Variants in PLCB1 observed in about 807,000 individuals in gnomAD.
PLCB1 encodes phospholipase C beta 1, also known as 1-phosphatidylinositol 4,5-bisphosphate phosphodiesterase beta-1.
PLCB1 carries 46 observed loss-of-function variants against 161.8 expected under a neutral mutation model. The ratio of observed to expected loss-of-function variants is 0.28; its 90% CI spans 0.22 to 0.36. The LOEUF (loss-of-function observed/expected upper bound fraction) is 0.36, where lower values mean the gene tolerates loss of function less well. Ranked by LOEUF, PLCB1 falls within the 10% of genes least tolerant of loss-of-function variation. PLCB1 has a pLI of 1.00. For missense variants in PLCB1, 1,016 were observed against 1,472.5 expected (o/e 0.69, Z 5.07); for synonymous variants, 517 against 503.7 (o/e 1.03, Z -0.35).
intron 3 of PLCB1, among the ~76,000 whole-genome samples, chr20:8,484,995 G>A (rs1009850169): frequency 6.6e-6 from 1 of 152,186 alleles, no homozygotes; most frequent in Non-Finnish European, 1.5e-5. Context: ...TCAAAATGAA[G>A]AGAGAGAAAT....
chr20:8,859,726 G>GGTCT lies in PLCB1; in HGVS notation c.3424-21895_3424-21892dup, dbSNP rs371194157. Among the ~76,000 whole-genome samples the GGTCT allele has an allele frequency of 3.2e-3, 488 of 151,944 alleles. 5 individuals carry two copies. The highest frequency in any genetic ancestry group is 0.011 in the African/African-American group (458 of 41,438). Reference sequence around the variant, plus strand: ...TTCCACAGGGTAGACTCTAGCTTGGGGTCTATTGGAGCAAGTTAAATGTCT... The same window carrying GGTCT: ...TTCCACAGGGTAGACTCTAGCTTGGGGTCTGTCTATTGGAGCAAGTTAAATGTCT... On this transcript the variant is annotated intron_variant, in intron 31 of 31. Transcript: ENST00000338037.
intron 19 of PLCB1, among the ~76,000 whole-genome samples, chr20:8,734,928 C>T (rs1298767602): frequency 6.6e-6 from 1 of 152,092 alleles, no homozygotes; most frequent in East Asian, 1.9e-4. Context: ...CACATTTTTA[C>T]CTTAAAACTT....
At chr20:8,789,638 G>A (rs1239212279) in intron 30 of PLCB1, 63 bp downstream of exon 30, 3 of 1,186,354 alleles carry the variant, frequency 2.5e-6, no homozygotes, top group African/African-American at 3.0e-5. Flanking sequence ...TGAGCTCGCT[G>A]TGAGCTTCTG....
chr20:8,530,155 C>A (rs1281353690), intron 3 of PLCB1, among the ~76,000 whole-genome samples: 1 of 152,046 alleles, frequency 6.6e-6, no homozygotes, highest in Non-Finnish European at 1.5e-5. Flanking sequence ...TATGAAGTAT[C>A]TTTTCAAGTG....
intron 23 of PLCB1, among the ~76,000 whole-genome samples, chr20:8,744,616 T>TAAATAAAATAAAATAAAATG (rs1555787575): frequency 8.2e-6 from 1 of 121,222 alleles, no homozygotes; most frequent in African/African-American, 3.2e-5. Flanking sequence ...AAAAATAAAA[T>TAAATAAAATAAAATAAAATG]AAATAAAATA....
At chr20:8,557,095 A>G (rs1048524149) in intron 3 of PLCB1, among the ~76,000 whole-genome samples, 2 of 151,794 alleles carry the variant, frequency 1.3e-5, no homozygotes, top group Non-Finnish European at 2.9e-5. Flanking sequence ...GTATGTTCCT[A>G]GTGATGATAG....
chr20:8,628,400 A>G lies in PLCB1; in HGVS notation c.353A>G (p.Asn118Ser), dbSNP rs1988425391. The G allele has an allele frequency of 3.7e-6, 6 of 1,613,896 alleles. No homozygotes were observed. Among genetic ancestry groups the G allele is most frequent in the Non-Finnish European group, 4.2e-6 (5 of 1,179,998 alleles). Reference protein sequence around the residue: ...GPDLVNISHLNLVAFQEEVAK... With the variant: ...GPDLVNISHLSLVAFQEEVAK... Reference sequence around the variant, plus strand: ...GACCTCGTGAACATCTCCCATTTGAATCTCGTGGCTTTCCAAGAAGAAGTG... The same window carrying G: ...GACCTCGTGAACATCTCCCATTTGAGTCTCGTGGCTTTCCAAGAAGAAGTG... The change falls in exon 4 of 32, where the codon AAT becomes AGT. Residue 118 changes from asparagine to serine, a missense_variant. Physicochemically the swap from Asn to Ser is conservative, Grantham distance 46. Coordinates refer to ENST00000338037, the MANE Select transcript of PLCB1 (RefSeq NM_015192.4).
intron 2 of PLCB1, among the ~76,000 whole-genome samples, chr20:8,296,510 G>T (rs140273212): frequency 3.0e-4 from 46 of 152,280 alleles, no homozygotes; most frequent in African/African-American, 1.1e-3. Context: ...CCTAGGCAAT[G>T]TCTTTTAGGT....
At chr20:8,881,153 A>G (rs1435440715) in intron 31 of PLCB1, among the ~76,000 whole-genome samples, 1 of 151,792 alleles carries the variant, frequency 6.6e-6, no homozygotes, top group Admixed American at 6.6e-5. Flanking sequence ...GCCGCACGCC[A>G]CTATACCCAG....
At chr20:8,473,308 A>C (rs1982134072) in intron 3 of PLCB1, among the ~76,000 whole-genome samples, 1 of 152,172 alleles carries the variant, frequency 6.6e-6, no homozygotes, top group Admixed American at 6.5e-5. Flanking sequence ...AAAAAATTAC[A>C]CATGCACGCA....
At chr20:8,733,977 A>G (rs551069284) in intron 19 of PLCB1, among the ~76,000 whole-genome samples, 113 of 133,650 alleles carry the variant, frequency 8.5e-4, no homozygotes, top group African/African-American at 2.8e-3. Flanking sequence ...AAAAAAAAAC[A>G]ATTAGCCGGG....
At chr20:8,662,044 T>TATATAATTATATATTATTTATTATATA (rs1989653659) in intron 9 of PLCB1, among the ~76,000 whole-genome samples, 1 of 33,214 alleles carries the variant, frequency 3.0e-5, no homozygotes, top group African/African-American at 1.1e-4. Context: ...ATTATATAAT[T>TATATAATTATATATTATTTATTATATA]ATATATAATT....
intron 3 of PLCB1, among the ~76,000 whole-genome samples, chr20:8,600,363 G>C (rs1380509007): frequency 9.2e-6 from 1 of 108,130 alleles, no homozygotes; most frequent in Non-Finnish European, 2.0e-5. Flanking sequence ...CCTGCCGTGT[G>C]AGGTGTCAGT....
intron 2 of PLCB1, among the ~76,000 whole-genome samples, chr20:8,302,787 T>C (rs1371423122): frequency 6.6e-6 from 1 of 152,178 alleles, no homozygotes; most frequent in African/African-American, 2.4e-5. Flanking sequence ...GACAAAATTA[T>C]TTCTGTGTTT....
At chr20:8,596,170 C>T (rs1987341287) in intron 3 of PLCB1, among the ~76,000 whole-genome samples, 1 of 150,498 alleles carries the variant, frequency 6.6e-6, no homozygotes. Context: ...ACATGAAGTC[C>T]TTGCCCATGC....
chr20:8,454,701 C>A (rs905374440), intron 3 of PLCB1, among the ~76,000 whole-genome samples: 55 of 152,296 alleles, frequency 3.6e-4, no homozygotes, highest in African/African-American at 1.3e-3. Context: ...TCTCTCCCGT[C>A]TTGCATGTCT....
intron 3 of PLCB1, among the ~76,000 whole-genome samples, chr20:8,472,557 T>C (rs1982100522): frequency 6.6e-6 from 1 of 152,132 alleles, no homozygotes; most frequent in Admixed American, 6.6e-5. Context: ...AGCCGTGTTC[T>C]CTTTAAGCCA....
intron 2 of PLCB1, among the ~76,000 whole-genome samples, chr20:8,365,458 T>G (rs1448916593): frequency 6.6e-6 from 1 of 152,058 alleles, no homozygotes; most frequent in Admixed American, 6.6e-5. Context: ...AAGATGAAAA[T>G]CATGCCTAGG....
chr20:8,307,069 T>G (rs1341199699), intron 2 of PLCB1, among the ~76,000 whole-genome samples: 4 of 152,238 alleles, frequency 2.6e-5, no homozygotes, highest in Admixed American at 2.0e-4. Flanking sequence ...TGGTGAGGGA[T>G]GATGTAAAAC....
Sources: allele counts gnomAD v4.1 joint callset (sites outside exome capture counted in the v4.1 genomes callset), GRCh38; gene constraint gnomAD v4.1.1; transcripts MANE v1.5; gene names NCBI Gene and HGNC (gene_info 2026-07-23, HGNC 2026-07-21).